Variants in ATRNL1 observed in about 807,000 individuals in gnomAD.
ATRNL1 encodes the protein attractin like 1.
A neutral mutation model predicts 182.7 loss-of-function variants in ATRNL1; 95 were observed. That is an observed-to-expected ratio of 0.52 (90% CI 0.44 to 0.62). The LOEUF is 0.62. ATRNL1 is among the 20% of genes least tolerant of loss of function. ATRNL1 has a pLI of 0.00. For synonymous variants in ATRNL1, 576 were observed against 568.3 expected, an observed-to-expected ratio of 1.01 and a Z score of -0.19; for missense variants, 1,471 against 1,679.5, an observed-to-expected ratio of 0.88 and a Z score of 2.17.
chr10:115,580,793 AT>A (rs1271671928), intron 26 of ATRNL1, among the ~76,000 whole-genome samples: 2 of 151,724 alleles, frequency 1.3e-5, no homozygotes, highest in African/African-American at 4.8e-5. Context: ...ACTTAGATTA[AT>A]TTCTAATGAC....
At chr10:115,778,088 C>G (rs1178614743) in intron 27 of ATRNL1, among the ~76,000 whole-genome samples, 1 of 152,070 alleles carries the variant, frequency 6.6e-6, no homozygotes, top group African/African-American at 2.4e-5. Context: ...AGAATAAAAA[C>G]AGAACTTTTA....
At chr10:115,561,225 A>G (rs541421527) in intron 26 of ATRNL1, among the ~76,000 whole-genome samples, 1 of 152,204 alleles carries the variant, frequency 6.6e-6, no homozygotes, top group Non-Finnish European at 1.5e-5. Context: ...ATGGGAGAAC[A>G]CTTTTGCATA....
At chr10:115,746,729 G>A (rs2960643) in intron 27 of ATRNL1, among the ~76,000 whole-genome samples, 144,531 of 152,104 alleles carry the variant, frequency 0.95, 69,080 homozygotes, top group East Asian at 1. Context: ...AGAATAAAAG[G>A]AGGAAAGAAA....
intron 25 of ATRNL1, among the ~76,000 whole-genome samples, chr10:115,544,850 C>G (rs1331172342): frequency 6.6e-6 from 1 of 152,028 alleles, no homozygotes; most frequent in Non-Finnish European, 1.5e-5. Context: ...CTAGTAGTCA[C>G]CAAAGGAAGA....
chr10:115,875,125 T>C (rs1447706391), intron 28 of ATRNL1, among the ~76,000 whole-genome samples: 1 of 152,218 alleles, frequency 6.6e-6, no homozygotes, highest in Non-Finnish European at 1.5e-5. Context: ...TTGAATTAAA[T>C]TGACTAATCA....
At chr10:115,724,571 G>C (rs1180808044) in intron 26 of ATRNL1, among the ~76,000 whole-genome samples, 1 of 152,154 alleles carries the variant, frequency 6.6e-6, no homozygotes, top group African/African-American at 2.4e-5. Flanking sequence ...ATTTTATGGA[G>C]AGAAAGAATG....
chr10:115,361,700 A>C (rs2134158646), intron 19 of ATRNL1, among the ~76,000 whole-genome samples: 1 of 152,140 alleles, frequency 6.6e-6, no homozygotes, highest in African/African-American at 2.4e-5. Context: ...TGACCCTTAG[A>C]ATATATGGTT....
chr10:115,848,878 A>G (rs1221608539), intron 28 of ATRNL1, among the ~76,000 whole-genome samples: 1 of 152,204 alleles, frequency 6.6e-6, no homozygotes, highest in Non-Finnish European at 1.5e-5. Context: ...TAAGCATAAA[A>G]TAAAATGCCA....
intron 26 of ATRNL1, among the ~76,000 whole-genome samples, chr10:115,641,983 G>C (rs1555030573): frequency 6.6e-6 from 1 of 151,984 alleles, no homozygotes; most frequent in African/African-American, 2.4e-5. Flanking sequence ...ACTTAAACAA[G>C]TAAACTATAA....
At chr10:115,736,654 T>C (rs185398423) in intron 27 of ATRNL1, among the ~76,000 whole-genome samples, 274 of 152,276 alleles carry the variant, frequency 1.8e-3, no homozygotes, top group African/African-American at 6.3e-3. Flanking sequence ...AAGAATGCTT[T>C]CCTGCATAGA....
intron 15 of ATRNL1, among the ~76,000 whole-genome samples, chr10:115,299,379 T>C (rs1853363201): frequency 6.6e-6 from 1 of 151,882 alleles, no homozygotes; most frequent in Non-Finnish European, 1.5e-5. Flanking sequence ...TCAATCTTAG[T>C]TAAATTATAG....
At chr10:115,391,820 T>G (rs1369473149) in intron 19 of ATRNL1, among the ~76,000 whole-genome samples, 1 of 151,684 alleles carries the variant, frequency 6.6e-6, no homozygotes, top group South Asian at 2.1e-4. Flanking sequence ...TATATGGGGG[T>G]TTTAGTAGAG....
At chr10:115,784,207 A>G (rs1222144372) in intron 27 of ATRNL1, among the ~76,000 whole-genome samples, 1 of 152,168 alleles carries the variant, frequency 6.6e-6, no homozygotes. Flanking sequence ...ATCGCTACAC[A>G]CAGGGCTTAT....
intron 25 of ATRNL1, among the ~76,000 whole-genome samples, chr10:115,544,891 T>C (rs1414615734): frequency 2.0e-5 from 3 of 152,202 alleles, no homozygotes; most frequent in African/African-American, 7.2e-5. Flanking sequence ...TGAATAAATA[T>C]GACAAATATT....
intron 5 of ATRNL1, among the ~76,000 whole-genome samples, chr10:115,140,853 A>G (rs1845727987): frequency 6.6e-6 from 1 of 152,132 alleles, no homozygotes; most frequent in Non-Finnish European, 1.5e-5. Context: ...ATCTTTATTT[A>G]AAGTCACACT....
At chr10:115,291,238 T>C (rs1439583191) in intron 15 of ATRNL1, among the ~76,000 whole-genome samples, 3 of 152,234 alleles carry the variant, frequency 2.0e-5, no homozygotes, top group Non-Finnish European at 4.4e-5. Flanking sequence ...GGTTTTTCTC[T>C]GTATCATGTC....
At chr10:115,627,113 G>A (rs995593637) in intron 26 of ATRNL1, among the ~76,000 whole-genome samples, 1 of 152,014 alleles carries the variant, frequency 6.6e-6, no homozygotes, top group Non-Finnish European at 1.5e-5. Context: ...ACAAAGATGG[G>A]CACCCACCGC....
intron 26 of ATRNL1, among the ~76,000 whole-genome samples, chr10:115,603,012 C>T (rs536214201): frequency 1.1e-4 from 17 of 152,160 alleles, no homozygotes; most frequent in African/African-American, 3.6e-4. Flanking sequence ...TGAAGAGGTA[C>T]GTAGGGCAAG....
intron 14 of ATRNL1, among the ~76,000 whole-genome samples, chr10:115,283,930 C>A (rs1438454642): frequency 2.6e-5 from 4 of 152,090 alleles, no homozygotes; most frequent in African/African-American, 7.2e-5. Flanking sequence ...CACAAATTCT[C>A]TTTTCTTAAT....
Sources: allele counts gnomAD v4.1 joint callset (sites outside exome capture counted in the v4.1 genomes callset), GRCh38; gene constraint gnomAD v4.1.1; transcripts MANE v1.5; gene names NCBI Gene and HGNC (gene_info 2026-07-23, HGNC 2026-07-21).